Variants in ODAD2 observed in about 807,000 individuals in gnomAD.
The protein encoded by ODAD2 is outer dynein arm docking complex subunit 2, also known as outer dynein arm-docking complex subunit 2.
In ODAD2, 89 loss-of-function variants were observed where a neutral mutation model predicts 106.8. The ratio of observed to expected loss-of-function variants is 0.83; its 90% CI spans 0.70 to 0.99. The LOEUF is 0.99. ODAD2 is among the 50% of genes least tolerant of loss of function. The pLI, the probability that ODAD2 is intolerant of heterozygous loss-of-function variation, is 0.00. For synonymous variants in ODAD2, 404 were observed against 436.2 expected, an observed-to-expected ratio of 0.93 and a Z score of 0.92; for missense variants, 1,168 against 1,238.5, an observed-to-expected ratio of 0.94 and a Z score of 0.85.
At chr10:27,882,937 A>T (rs1379401706) in intron 17 of ODAD2, among the ~76,000 whole-genome samples, 2 of 152,070 alleles carry the variant, frequency 1.3e-5, no homozygotes, top group Non-Finnish European at 2.9e-5. Flanking sequence ...ACAAAAAAAA[A>T]AGCTGCTTGA....
chr10:27,911,471 A>G (rs1163776566), intron 16 of ODAD2, among the ~76,000 whole-genome samples: 1 of 152,214 alleles, frequency 6.6e-6, no homozygotes, highest in Non-Finnish European at 1.5e-5. Context: ...ACCATTGGGA[A>G]ACTACAGTCT....
At chr10:27,867,761 C>T (rs990772425) in intron 17 of ODAD2, among the ~76,000 whole-genome samples, 1 of 152,012 alleles carries the variant, frequency 6.6e-6, no homozygotes, top group African/African-American at 2.4e-5. Context: ...ACCAGCCTGG[C>T]CAACAAAGTG....
At chr10:27,981,440 A>G (rs749094816) in intron 7 of ODAD2, 26 bp downstream of exon 7, 4 of 1,465,472 alleles carry the variant, frequency 2.7e-6, no homozygotes, top group Admixed American at 2.8e-5. Flanking sequence ...ATGCTATGAA[A>G]GCTCAAAAGA....
intron 16 of ODAD2, among the ~76,000 whole-genome samples, chr10:27,922,051 C>CA (rs1279440350): frequency 3.3e-5 from 5 of 149,876 alleles, no homozygotes; most frequent in Non-Finnish European, 5.9e-5. Context: ...CCTGTAGTCC[C>CA]AGGCACTTGG....
intron 17 of ODAD2, among the ~76,000 whole-genome samples, chr10:27,875,093 A>G (rs1330363382): frequency 1.3e-5 from 2 of 151,972 alleles, no homozygotes; most frequent in Non-Finnish European, 1.5e-5. Flanking sequence ...TTCTCGCTTC[A>G]TTTCATTCAT....
chr10:27,831,386 A>G (rs189470775), intron 19 of ODAD2, among the ~76,000 whole-genome samples: 8 of 152,348 alleles, frequency 5.3e-5, no homozygotes, highest in Non-Finnish European at 1.0e-4. Context: ...ACCTTCAAGA[A>G]GGAAAAGGAC....
At chr10:27,979,415 G>A (rs1849401541) in intron 7 of ODAD2, among the ~76,000 whole-genome samples, 1 of 146,408 alleles carries the variant, frequency 6.8e-6, no homozygotes, top group African/African-American at 2.6e-5. Flanking sequence ...CTTGTATGCA[G>A]AAAAACCTAA....
intron 19 of ODAD2, among the ~76,000 whole-genome samples, chr10:27,821,262 C>T (rs1836586628): frequency 6.6e-6 from 1 of 151,464 alleles, no homozygotes; most frequent in Non-Finnish European, 1.5e-5. Flanking sequence ...TGAGTTTTGC[C>T]GCTAACTAAC....
intron 19 of ODAD2, among the ~76,000 whole-genome samples, chr10:27,820,682 T>A (rs2132855711): frequency 6.6e-6 from 1 of 152,274 alleles, no homozygotes; most frequent in Admixed American, 6.5e-5. Context: ...TATTTTGCCT[T>A]AAGTTTCTCA....
At chr10:27,899,100 T>C (rs4749278) in intron 17 of ODAD2, among the ~76,000 whole-genome samples, 100,262 of 151,332 alleles carry the variant, frequency 0.66, 33,550 homozygotes, top group Middle Eastern at 0.74. Flanking sequence ...GCATTTCCAA[T>C]TGAGGTACCC....
intron 9 of ODAD2, among the ~76,000 whole-genome samples, chr10:27,967,741 A>G (rs530973984): frequency 1.1e-4 from 17 of 151,926 alleles, no homozygotes; most frequent in African/African-American, 4.1e-4. Flanking sequence ...AAATAAAAAA[A>G]TTAGCTGAGT....
At chr10:27,944,716 C>A in intron 11 of ODAD2, 100 bp downstream of exon 11, 1 of 1,433,346 alleles carries the variant, frequency 7.0e-7, no homozygotes, top group South Asian at 1.3e-5. Context: ...CAGATAAAGA[C>A]AAGAACCAGG....
intron 16 of ODAD2, among the ~76,000 whole-genome samples, chr10:27,917,220 C>T (rs925197052): frequency 6.6e-6 from 1 of 152,056 alleles, no homozygotes; most frequent in East Asian, 1.9e-4. Context: ...AAATCAATAA[C>T]AACATGGGAT....
At chr10:27,884,121 G>A (rs1438979932) in intron 17 of ODAD2, among the ~76,000 whole-genome samples, 1 of 152,000 alleles carries the variant, frequency 6.6e-6, no homozygotes, top group Non-Finnish European at 1.5e-5. Context: ...CCCCAGTTAG[G>A]CACATCACAG....
chr10:27,931,167 G>T (rs1475174630), intron 16 of ODAD2, among the ~76,000 whole-genome samples: 1 of 152,150 alleles, frequency 6.6e-6, no homozygotes, highest in African/African-American at 2.4e-5. Flanking sequence ...TGCTTCGAAT[G>T]ACCATGACAC....
At position 27,987,557 on chromosome 10, in the gene ODAD2, A is replaced by AT; in HGVS notation, c.225-15dup. On this transcript the variant is annotated splice_polypyrimidine_tract_variant and intron_variant, in intron 2 of 19. Transcript: ENST00000305242. The stretch of plus-strand genomic sequence containing the variant: ...ACTGTTGTTTCACTAAAAAATAAAA[A>AT]TAAAAAATTGAAAGCTTCATGCTAC... 6.3e-7 allele frequency: 1 copy of AT among 1,594,996 alleles called. No individual in the cohort carries two copies.
chr10:27,997,679 T>A (rs59271137), intron 1 of ODAD2, among the ~76,000 whole-genome samples: 5,214 of 152,262 alleles, frequency 0.034, 328 homozygotes, highest in African/African-American at 0.12. Flanking sequence ...AACCTCAGGG[T>A]GGCCTATGAC....
chr10:27,998,795 G>C (rs1191767549), intron 1 of ODAD2, among the ~76,000 whole-genome samples, 199 bp downstream of exon 1: 1 of 152,104 alleles, frequency 6.6e-6, no homozygotes, highest in Non-Finnish European at 1.5e-5. Flanking sequence ...ACCCCCAGCC[G>C]CACTCACCTG....
At chr10:27,983,369 C>A (rs764489423) in intron 6 of ODAD2, among the ~76,000 whole-genome samples, 4 of 152,230 alleles carry the variant, frequency 2.6e-5, no homozygotes, top group Non-Finnish European at 5.9e-5. Context: ...GGGACCAGCA[C>A]AGCCTGGAAG....
Sources: gnomAD v4.1 joint callset for allele counts (sites outside exome capture counted in the v4.1 genomes callset) on GRCh38, gnomAD v4.1.1 for gene constraint, MANE v1.5 for transcripts, NCBI Gene and HGNC (gene_info 2026-07-23, HGNC 2026-07-21) for gene names.